The following CPA3 variants were observed in gnomAD, a reference collection of about 807,000 sequenced individuals.
CPA3 encodes mast cell carboxypeptidase A.
In CPA3, 52 loss-of-function variants were observed where a neutral mutation model predicts 55.8. That is an observed-to-expected ratio of 0.93 (90% CI 0.75 to 1.17). The LOEUF (loss-of-function observed/expected upper bound fraction) is 1.17. Ranked by LOEUF, CPA3 falls within the 50% of genes most tolerant of loss-of-function variation. The pLI, the probability that CPA3 is intolerant of heterozygous loss-of-function variation, is 0.00. For missense variants in CPA3, 547 were observed against 509.1 expected (o/e 1.07, Z -0.72); for synonymous variants, 179 against 171.2 (o/e 1.05, Z -0.36).
At chr3:148,869,655 A>G (rs1714005715) in intron 3 of CPA3, among the ~76,000 whole-genome samples, 1 of 152,236 alleles carries the variant, frequency 6.6e-6, no homozygotes, top group Admixed American at 6.5e-5. Flanking sequence ...AGATGCAGAA[A>G]TGAGTCATTC....
intron 3 of CPA3, among the ~76,000 whole-genome samples, chr3:148,876,900 AG>A (rs1369038435): frequency 6.6e-6 from 1 of 152,220 alleles, no homozygotes; most frequent in Non-Finnish European, 1.5e-5. Context: ...GAAATGAGGC[AG>A]TTTGTATTCA....
chr3:148,871,195 T>C (rs896129578), intron 3 of CPA3, among the ~76,000 whole-genome samples: 1 of 152,214 alleles, frequency 6.6e-6, no homozygotes, highest in Non-Finnish European at 1.5e-5. Context: ...ATTCACTTCA[T>C]TGCCAGCTTT....
chr3:148,881,565 T>A lies in CPA3; in HGVS notation c.620T>A (p.Leu207Ter). 1 of 1,613,214 alleles carries A rather than the reference T, an allele frequency of 6.2e-7. No homozygotes were observed. Among genetic ancestry groups the A allele is most frequent in the South Asian group, 1.1e-5 (1 of 90,998 alleles). Residue 207 changes from leucine (L) to a stop codon, truncating the protein, a stop_gained, in exon 7 of 11, where the codon TTG (leucine) becomes TAG (stop). Coordinates refer to ENST00000296046, the MANE Select transcript of CPA3 (RefSeq NM_001870.4). LOFTEE classifies it high-confidence loss of function. ...AGAAACAAAATTATGACCAAACTCT[T>A]GGACCGAATGAATTTTTACATTCTT... ...YGRNKIMTKL[L>*]DRMNFYILPV... is the part of the protein sequence containing the mutation.
intron 10 of CPA3, among the ~76,000 whole-genome samples, chr3:148,891,918 G>A (rs970326167): frequency 3.3e-5 from 5 of 152,160 alleles, no homozygotes; most frequent in African/African-American, 9.6e-5. Context: ...GCATCTTAGT[G>A]TGATTTCTTT....
In CPA3 at chr3:148,883,715, T is replaced by C; in HGVS notation, c.881T>C (p.Leu294Pro). 3 of 1,613,904 alleles carry C rather than the reference T, an allele frequency of 1.9e-6. No homozygotes were observed. Among genetic ancestry groups the C allele is most frequent in the Non-Finnish European group, 2.5e-6 (3 of 1,179,774 alleles). The change falls in exon 9 of 11, where the codon CTG becomes CCG. Residue 294 changes from leucine (L) to proline (P), a missense_variant. Transcript: ENST00000296046. ...KAVTNFIRSH[L>P]NEIKVYITFH... ...GTCACTAATTTCATTAGAAGCCACC[T>C]GAATGAAATCAAGGTTTACATCACC...
chr3:148,868,826 T>A, intron 2 of CPA3, 89 bp from the exon 3 acceptor site: 4 of 1,445,900 alleles, frequency 2.8e-6, no homozygotes, highest in Non-Finnish European at 3.7e-6. Context: ...CCAAATTCCT[T>A]TCATGGTGTA....
At chr3:148,882,404 T>A (rs1367517476) in intron 7 of CPA3, 101 bp from the exon 8 acceptor site, 2 of 807,714 alleles carry the variant, frequency 2.5e-6, no homozygotes, top group African/African-American at 3.5e-5. Flanking sequence ...CTAGATAGAT[T>A]TCAAATAAAG....
intron 10 of CPA3, among the ~76,000 whole-genome samples, chr3:148,888,646 G>A (rs918273495): frequency 1.3e-5 from 2 of 152,174 alleles, no homozygotes; most frequent in African/African-American, 4.8e-5. Context: ...CACCACATGA[G>A]AGCAATTCCT....
In CPA3 at chr3:148,868,898, T is replaced by C; in HGVS notation, c.145-17T>C. ...TAAGCAAATAAACTCTGACTAACAT[T>C]GAGCTTATCTCTGCAGCTTGACTTC... On this transcript the variant is annotated splice_polypyrimidine_tract_variant and intron_variant, in intron 2 of 10. Transcript: ENST00000296046. 3.1e-6 allele frequency: 5 copies of C among 1,611,270 alleles called. No individual in the cohort carries two copies. The highest frequency in any genetic ancestry group is 4.2e-6 in the Non-Finnish European group (5 of 1,178,822).
chr3:148,884,376 T>A (rs1714461562), intron 9 of CPA3, among the ~76,000 whole-genome samples: 2 of 152,106 alleles, frequency 1.3e-5, no homozygotes, highest in South Asian at 4.1e-4. Flanking sequence ...TAATGTGAGC[T>A]TTAAAAAAAA....
intron 8 of CPA3, 48 bp from the exon 9 acceptor site, chr3:148,883,565 T>C: frequency 1.4e-6 from 2 of 1,460,484 alleles, no homozygotes; most frequent in Non-Finnish European, 1.9e-6. Context: ...GCAGGAGCTA[T>C]ATGGATGGGG....
chr3:148,880,830 G>T (rs1191296726), intron 6 of CPA3, among the ~76,000 whole-genome samples: 1 of 152,102 alleles, frequency 6.6e-6, no homozygotes, highest in Non-Finnish European at 1.5e-5. Flanking sequence ...ACCAGGAAGT[G>T]ACCTGTAGTT....
At chr3:148,882,684 A>G in intron 8 of CPA3, 89 bp downstream of exon 8, 1 of 996,884 alleles carries the variant, frequency 1.0e-6, no homozygotes, top group East Asian at 2.6e-5. Context: ...TTCAGTAAAA[A>G]TAGTTATGCT....
At chr3:148,869,230 CT>C (rs1263898428) in intron 3 of CPA3, among the ~76,000 whole-genome samples, 191 bp downstream of exon 3, 3 of 152,160 alleles carry the variant, frequency 2.0e-5, no homozygotes, top group African/African-American at 7.2e-5. Flanking sequence ...TAGAATCAAA[CT>C]TGGCAGTTCA....
chr3:148,879,915 T>G lies in CPA3; in HGVS notation c.576+26T>G, dbSNP rs771048210. 6.6e-6 allele frequency: 10 copies of G among 1,505,244 alleles called. No individual in the cohort carries two copies. The South Asian group carries it at 1.1e-4, about 17-fold the overall frequency. 93.2% of individuals were successfully genotyped at this position (1,505,244 alleles called of 1,614,324 possible). A position where few individuals can be genotyped will look rare whatever the true frequency, so the allele number is the denominator to read the frequency against. The stretch of plus-strand genomic sequence containing the variant: ...GTAAGTGAATCAGAAGACTCCCAAT[T>G]CTCCTTTGACTGCCAAGTCTCCAGC... On this transcript the variant is annotated intron_variant, in intron 6 of 10. Coordinates refer to ENST00000296046, the MANE Select transcript of CPA3 (RefSeq NM_001870.4).
At chr3:148,869,154 T>G in intron 3 of CPA3, 115 bp downstream of exon 3, 12 of 1,193,532 alleles carry the variant, frequency 1.0e-5, no homozygotes, top group Admixed American at 2.4e-5. Flanking sequence ...GAACGAAAGC[T>G]CTTTCTGTAA....
At chr3:148,896,088 C>T (rs2108042094) in intron 10 of CPA3, among the ~76,000 whole-genome samples, 1 of 152,230 alleles carries the variant, frequency 6.6e-6, no homozygotes. Flanking sequence ...TTTACCCTAG[C>T]AACATGAAAA....
In CPA3 at chr3:148,886,192, T is replaced by C; in HGVS notation, c.1066+15T>C. ...ATCAACAATTTGTAAGTCATTCCTC[T>C]TATTTACTGAGCCCTTTTCCCTAAT... On this transcript the variant is annotated intron_variant, in intron 10 of 10. Coordinates refer to ENST00000296046, the MANE Select transcript of CPA3 (RefSeq NM_001870.4). 1 of 1,543,356 alleles carries C rather than the reference T, an allele frequency of 6.5e-7. No homozygotes were observed. The highest frequency in any genetic ancestry group is 8.9e-7 in the Non-Finnish European group (1 of 1,121,780).
intron 8 of CPA3, among the ~76,000 whole-genome samples, chr3:148,882,940 TACAG>T (rs1714409575): frequency 6.6e-6 from 1 of 152,128 alleles, no homozygotes; most frequent in Non-Finnish European, 1.5e-5. Flanking sequence ...AAAAGCAACA[TACAG>T]ACAGTTTTTC....
Sources: gnomAD v4.1 joint callset for allele counts (sites outside exome capture counted in the v4.1 genomes callset) on GRCh38, gnomAD v4.1.1 for gene constraint, MANE v1.5 for transcripts, NCBI Gene and HGNC (gene_info 2026-07-23, HGNC 2026-07-21) for gene names.